The following TTF2 variants were observed in gnomAD, a reference collection of about 807,000 sequenced individuals.
TTF2 encodes the protein RNA polymerase II termination factor.
TTF2 carries 108 observed loss-of-function variants against 142.4 expected under a neutral mutation model. The ratio of observed to expected loss-of-function variants is 0.76; its 90% confidence interval spans 0.65 to 0.89. The LOEUF (loss-of-function observed/expected upper bound fraction) is 0.89. TTF2 is among the 40% of genes least tolerant of loss of function. The pLI, the probability that TTF2 is intolerant of heterozygous loss-of-function variation, is 0.00. For missense variants in TTF2, 1,327 were observed against 1,379.8 expected, an observed-to-expected ratio of 0.96 and a Z score of 0.61; for synonymous variants, 483 against 506.2, an observed-to-expected ratio of 0.95 and a Z score of 0.61.
At chr1:117,095,484 A>G in intron 19 of TTF2, 117 bp downstream of exon 19, 1 of 854,622 alleles carries the variant, frequency 1.2e-6, no homozygotes, top group South Asian at 1.6e-5. Context: ...CACTGAGGTT[A>G]TAGCACACAT....
At chr1:117,095,284 C>T (rs767564010) in intron 18 of TTF2, 25 bp from the exon 19 acceptor site, 15 of 1,612,772 alleles carry the variant, frequency 9.3e-6, no homozygotes, top group Admixed American at 3.3e-5. Flanking sequence ...CTTAAACATA[C>T]AATGTTGATG....
rs1649287053 is a variant in TTF2, at chr1:117,097,808, C to T, written c.3269+375C>T. 6.6e-6 allele frequency among the ~76,000 whole-genome samples: 1 copy of T among 152,122 alleles called. No homozygotes were observed. The highest frequency in any genetic ancestry group is 2.4e-5 in the African/African-American group (1 of 41,400). ...TGTTGGGGTCCAAGGAAATTTCAACCTTTGAAAAGAGGGAGAAGCATTACT... is the reference window on the plus strand; with the variant it reads ...TGTTGGGGTCCAAGGAAATTTCAACTTTTGAAAAGAGGGAGAAGCATTACT... On this transcript the variant is annotated intron_variant, in intron 21 of 22. Coordinates refer to ENST00000369466, the MANE Select transcript of TTF2 (RefSeq NM_003594.4). The surrounding 1 kb of genome is among the most constrained non-coding windows in gnomAD (Gnocchi z 4.1).
Position 117,101,091 on chromosome 1 carries a change from A to G in TTF2, c.3345-289A>G, listed in dbSNP as rs1649548807. Reference sequence around the variant, plus strand: ...GTAGAACTTTTTGGGTAAAAGCTGGATCTCTATACTTTTTTGGATTGGGAT... The same window carrying G: ...GTAGAACTTTTTGGGTAAAAGCTGGGTCTCTATACTTTTTTGGATTGGGAT... On this transcript the variant is annotated intron_variant, in intron 22 of 22. Coordinates refer to ENST00000369466, the MANE Select transcript of TTF2 (RefSeq NM_003594.4). The surrounding 1 kb of genome is among the most constrained non-coding windows in gnomAD (Gnocchi z 5.9). Among the ~76,000 whole-genome samples, 1 of 152,188 alleles carries G rather than the reference A, an allele frequency of 6.6e-6. No individual in the cohort carries two copies. The highest frequency in any genetic ancestry group is 2.1e-4 in the South Asian group (1 of 4,832).
In TTF2 at chr1:117,096,329, A is replaced by G. The variant is rs368866228; in HGVS notation, c.3186+30A>G. On this transcript the variant is annotated intron_variant, in intron 20 of 22. Transcript: ENST00000369466. The stretch of plus-strand genomic sequence containing the variant: ...AAGCTGGTCACATCAGAGCCGCATA[A>G]TTAACTGTTCTGAGTTATACAAAGA... 4 of 1,610,738 alleles carry G rather than the reference A, an allele frequency of 2.5e-6. No homozygotes were observed. In the African/African-American group the frequency reaches 5.4e-5, roughly 22 times the overall value.
chr1:117,088,934 C>A lies in TTF2; in HGVS notation c.2294C>A (p.Thr765Asn). Residue 765 changes from threonine (T) to asparagine (N), a missense_variant, in exon 13 of 23, where the codon ACT becomes AAT. Coordinates refer to ENST00000369466, the MANE Select transcript of TTF2 (RefSeq NM_003594.4). ...CAAGCCTGTGCCCGTTGGGCTGTCA[C>A]TGGAACCCCCATTCAAAACAACTTA... The part of the protein sequence containing the change: ...KLQACARWAV[T>N]GTPIQNNLLD... 1.2e-6 allele frequency: 2 copies of A among 1,613,492 alleles called. No individual in the cohort carries two copies. Among genetic ancestry groups the A allele is most frequent in the Non-Finnish European group, 1.7e-6 (2 of 1,179,814 alleles).
intron 16 of TTF2, 142 bp from the exon 17 acceptor site, chr1:117,091,675 G>A (rs1050099275): frequency 3.3e-5 from 36 of 1,094,150 alleles, no homozygotes; most frequent in Non-Finnish European, 3.2e-5. Context: ...CCTAATTGAA[G>A]TGGCCTATAG....
intron 3 of TTF2, among the ~76,000 whole-genome samples, chr1:117,066,009 T>TTC (rs1459453345): frequency 1.3e-5 from 1 of 78,606 alleles, no homozygotes; most frequent in African/African-American, 3.5e-5. Context: ...TTTTTTTTTT[T>TTC]TTTTTTTTGT....
chr1:117,089,312 G>A (rs974286767), intron 13 of TTF2, among the ~76,000 whole-genome samples: 7 of 141,514 alleles, frequency 4.9e-5, no homozygotes, highest in Non-Finnish European at 9.3e-5. Flanking sequence ...GAATGTTTTC[G>A]GCTACTTCTG....
In TTF2 at chr1:117,088,722, CCTG is replaced by C. The variant is rs529454743; in HGVS notation, c.2161-76_2161-74del. On this transcript the variant is annotated intron_variant, in intron 12 of 22. Transcript: ENST00000369466. Reference sequence around the variant, plus strand: ...GGTAAATGTGGGTCCTCCATGCTTGCCTGCTATTTCCCCTTGTGTCCTTAAGGA... The same window carrying C: ...GGTAAATGTGGGTCCTCCATGCTTGCCTATTTCCCCTTGTGTCCTTAAGGA... 142 of 1,497,198 alleles carry C rather than the reference CCTG, an allele frequency of 9.5e-5. No homozygotes were observed. The South Asian group carries it at 1.8e-3, about 19-fold the overall frequency. 92.7% of individuals were successfully genotyped at this position (1,497,198 alleles called of 1,614,324 possible). A position where few individuals can be genotyped will look rare whatever the true frequency, so the allele number is the denominator to read the frequency against.
In TTF2 at chr1:117,096,191, A is replaced by G. The variant is rs1649127077; in HGVS notation, c.3078A>G (p.Ala1026=). ...GGACCAACATGCTGAAAGTTGTAGC[A>G]TTGCACCTGAAGAAGCATGGACTGA... ...SQWTNMLKVV[A]LHLKKHGLTY... is the part of the protein sequence containing the mutation. The change falls in exon 20 of 23, where the codon GCA becomes GCG. Residue 1026 remains alanine (A), a synonymous_variant. Coordinates refer to ENST00000369466, the MANE Select transcript of TTF2 (RefSeq NM_003594.4). 6.2e-7 allele frequency: 1 copy of G among 1,613,914 alleles called. No individual in the cohort carries two copies. Among genetic ancestry groups the G allele is most frequent in the Admixed American group, 1.7e-5 (1 of 59,986 alleles).
At chr1:117,072,528 G>A (rs1255925323) in intron 3 of TTF2, among the ~76,000 whole-genome samples, 1 of 148,640 alleles carries the variant, frequency 6.7e-6, no homozygotes, top group South Asian at 2.2e-4. Context: ...GGGTTCAAGC[G>A]ATTCTCCTGC....
chr1:117,079,635 A>G lies in TTF2; in HGVS notation c.1769A>G (p.Gln590Arg). The G allele has an allele frequency of 6.2e-7, 1 of 1,614,250 alleles. No homozygotes were observed. The highest frequency in any genetic ancestry group is 1.3e-5 in the African/African-American group (1 of 75,082). The change falls in exon 9 of 23, where the codon CAA becomes CGA. Residue 590 changes from glutamine (Q) to arginine (R), a missense_variant. Physicochemically the swap from Gln to Arg is conservative, Grantham distance 43. Transcript: ENST00000369466. This position sits in a 1 kb window ranked among gnomAD's most constrained non-coding sequence, Gnocchi z 4.2. ...CTATGGCGAGAAAGTCAGAAGCCACAAGGAGGAATTCTGGGTAAGTGTGGT... is the reference window on the plus strand; with the variant it reads ...CTATGGCGAGAAAGTCAGAAGCCACGAGGAGGAATTCTGGGTAAGTGTGGT... The part of the protein sequence containing the change: ...WLLWRESQKP[Q>R]GGILADDMGL...
At chr1:117,062,822 A>G (rs2477720) in intron 3 of TTF2, among the ~76,000 whole-genome samples, 72,847 of 152,056 alleles carry the variant, frequency 0.48, 20,346 homozygotes, top group East Asian at 0.7. Flanking sequence ...ATGGCTAAAC[A>G]TATTTAGTCC....
At chr1:117,094,736 T>C (rs1201044490) in intron 18 of TTF2, 1 of 436,264 alleles carries the variant, frequency 2.3e-6, no homozygotes, top group Non-Finnish European at 4.6e-6. Context: ...AATATTTGCC[T>C]CCTTGGAGTG....
rs1647955713 is a variant in TTF2 at position 117,085,887 on chromosome 1, G to GTCAA, written c.2055-529_2055-526dup. Among the ~76,000 whole-genome samples the GTCAA allele has an allele frequency of 6.6e-6, 1 of 152,102 alleles. No individual in the cohort carries two copies. The highest frequency in any genetic ancestry group is 2.4e-5 in the African/African-American group (1 of 41,410). Reference sequence around the variant, plus strand: ...ACAGCATGTATTTTTATATCTTAATGTCAAACTAGATCAGTGAATTTTCAC... The same window carrying GTCAA: ...ACAGCATGTATTTTTATATCTTAATGTCAATCAAACTAGATCAGTGAATTTTCAC... On this transcript the variant is annotated intron_variant, in intron 11 of 22. Coordinates refer to ENST00000369466, the MANE Select transcript of TTF2 (RefSeq NM_003594.4). This position sits in a 1 kb window ranked among gnomAD's most constrained non-coding sequence, Gnocchi z 4.7.
chr1:117,086,648 T>G lies in TTF2; in HGVS notation c.2160+126T>G. 1 of 662,406 alleles carries G rather than the reference T, an allele frequency of 1.5e-6. No individual in the cohort carries two copies. The highest frequency in any genetic ancestry group is 2.7e-6 in the Non-Finnish European group (1 of 369,808). 41.0% of individuals were successfully genotyped at this position (662,406 alleles called of 1,614,324 possible). A position where few individuals can be genotyped will look rare whatever the true frequency, so the allele number is the denominator to read the frequency against. On this transcript the variant is annotated intron_variant, in intron 12 of 22. Coordinates refer to ENST00000369466, the MANE Select transcript of TTF2 (RefSeq NM_003594.4). The surrounding 1 kb of genome is among the most constrained non-coding windows in gnomAD (Gnocchi z 4.2). ...TCAGGAATGCTGTAAATGATCCGCA[T>G]GTGGAAAGGAATTGTTCTTTCCTCT...
chr1:117,072,100 A>G (rs1377102213), intron 3 of TTF2, among the ~76,000 whole-genome samples: 3 of 152,192 alleles, frequency 2.0e-5, no homozygotes, highest in Non-Finnish European at 2.9e-5. Flanking sequence ...TGGAGGGTGC[A>G]TGGCTTAGTT....
rs1288999201 is a variant in TTF2, at chr1:117,087,827, C to T, written c.2161-974C>T. 6.6e-6 allele frequency among the ~76,000 whole-genome samples: 1 copy of T among 152,216 alleles called. No individual in the cohort carries two copies. Among genetic ancestry groups the T allele is most frequent in the Non-Finnish European group, 1.5e-5 (1 of 68,046 alleles). On this transcript the variant is annotated intron_variant, in intron 12 of 22. Transcript: ENST00000369466. This position sits in a 1 kb window ranked among gnomAD's most constrained non-coding sequence, Gnocchi z 4.8. ...AGAATCTTTTCTGGACCACTCCCTT[C>T]CCACCTTCCCCCGGTTTGGTTGAAT...
At chr1:117,088,398 G>A (rs1366417130) in intron 12 of TTF2, among the ~76,000 whole-genome samples, 2 of 152,168 alleles carry the variant, frequency 1.3e-5, no homozygotes, top group African/African-American at 2.4e-5. Context: ...TTAGCCGGGT[G>A]TGGTGGCGGG....
Sources: allele counts gnomAD v4.1 joint callset (sites outside exome capture counted in the v4.1 genomes callset), GRCh38; gene constraint gnomAD v4.1.1; non-coding constraint Gnocchi (gnomAD v3.1); transcripts MANE v1.5; gene names NCBI Gene and HGNC (gene_info 2026-07-23, HGNC 2026-07-21).